Variants in NELL2 observed in about 807,000 individuals in gnomAD.
The protein encoded by NELL2 is neural EGFL like 2.
A neutral mutation model predicts 109.6 loss-of-function variants in NELL2; 41 were observed. The observed-to-expected ratio is 0.37, with a 90% CI of 0.29 to 0.49. NELL2 has a LOEUF of 0.49. Ranked by LOEUF, NELL2 falls within the 20% of genes least tolerant of loss-of-function variation. NELL2 has a pLI of 0.98. For synonymous variants in NELL2, 355 were observed against 344.7 expected (o/e 1.03, Z -0.33); for missense variants, 900 against 1,008.3 (o/e 0.89, Z 1.45).
chr12:44,545,662 C>G (rs1211014958), intron 15 of NELL2, among the ~76,000 whole-genome samples: 2 of 152,072 alleles, frequency 1.3e-5, no homozygotes, highest in Non-Finnish European at 2.9e-5. Flanking sequence ...AAACTTCCAG[C>G]TTTACTCCTA....
intron 12 of NELL2, among the ~76,000 whole-genome samples, chr12:44,702,161 A>G (rs1485965236): frequency 6.6e-6 from 1 of 152,026 alleles, no homozygotes; most frequent in African/African-American, 2.4e-5. Context: ...CTCTGAATAA[A>G]TCCCCAGCCA....
intron 3 of NELL2, among the ~76,000 whole-genome samples, chr12:44,781,453 G>A (rs558400629): frequency 6.6e-6 from 1 of 152,076 alleles, no homozygotes; most frequent in Non-Finnish European, 1.5e-5. Flanking sequence ...GAGGAGAAAG[G>A]AGGCGAGCTT....
chr12:44,713,245 CAGAG>C (rs1275685246), intron 10 of NELL2, among the ~76,000 whole-genome samples: 12 of 145,672 alleles, frequency 8.2e-5, no homozygotes, highest in East Asian at 2.0e-4. Flanking sequence ...GAGAGAGAGA[CAGAG>C]AGAGAGAGAA....
At chr12:44,791,212 A>ATATATATG (rs1346367935) in intron 3 of NELL2, among the ~76,000 whole-genome samples, 2 of 80,696 alleles carry the variant, frequency 2.5e-5, no homozygotes, top group African/African-American at 4.5e-5. Context: ...ATATATATAT[A>ATATATATG]TATATATATA....
chr12:44,796,475 T>A (rs1592552774), intron 3 of NELL2, among the ~76,000 whole-genome samples: 2 of 152,104 alleles, frequency 1.3e-5, no homozygotes, highest in Admixed American at 6.6e-5. Flanking sequence ...CATTAAGCCC[T>A]AAAGAAAAGA....
At chr12:44,895,011 C>G (rs1945577179) in intron 1 of NELL2, among the ~76,000 whole-genome samples, 1 of 152,140 alleles carries the variant, frequency 6.6e-6, no homozygotes. Context: ...TTGCTTGTGA[C>G]TAGCTTTTGT....
intron 2 of NELL2, among the ~76,000 whole-genome samples, chr12:44,866,361 T>A (rs1472198632): frequency 6.6e-6 from 1 of 151,864 alleles, no homozygotes; most frequent in Admixed American, 6.6e-5. Flanking sequence ...AACTAATTGG[T>A]CAAAAAAGAA....
chr12:44,859,925 A>G (rs547454748), intron 2 of NELL2, among the ~76,000 whole-genome samples: 12 of 152,284 alleles, frequency 7.9e-5, no homozygotes, highest in South Asian at 2.1e-4. Flanking sequence ...CCTGTCAATA[A>G]TTACAGCTAC....
chr12:44,599,109 G>A (rs965803505), intron 15 of NELL2, among the ~76,000 whole-genome samples: 6 of 152,046 alleles, frequency 3.9e-5, no homozygotes, highest in African/African-American at 1.4e-4. Context: ...TGCTACACCT[G>A]CGGAAACAAA....
chr12:44,670,754 C>G (rs185402486), intron 12 of NELL2, among the ~76,000 whole-genome samples: 1 of 151,758 alleles, frequency 6.6e-6, no homozygotes, highest in African/African-American at 2.4e-5. Context: ...GAAGATACAA[C>G]AATTGTAATT....
chr12:44,528,076 C>T (rs1405702863), intron 16 of NELL2, among the ~76,000 whole-genome samples: 4 of 105,546 alleles, frequency 3.8e-5, no homozygotes, highest in Admixed American at 1.5e-4. Flanking sequence ...CCAGCCTGGG[C>T]GACAGAGCGA....
At chr12:44,753,297 C>T (rs1467948277) in intron 9 of NELL2, among the ~76,000 whole-genome samples, 1 of 152,164 alleles carries the variant, frequency 6.6e-6, no homozygotes, top group African/African-American at 2.4e-5. Flanking sequence ...CTACGCAGGC[C>T]AGATATTTCT....
chr12:44,594,861 C>T (rs536157401), intron 15 of NELL2, among the ~76,000 whole-genome samples: 1 of 151,842 alleles, frequency 6.6e-6, no homozygotes, highest in Non-Finnish European at 1.5e-5. Flanking sequence ...TACAAAGTTA[C>T]CAGTGTAAAA....
At chr12:44,545,634 TA>T (rs1229245452) in intron 15 of NELL2, among the ~76,000 whole-genome samples, 2 of 152,072 alleles carry the variant, frequency 1.3e-5, no homozygotes, top group Admixed American at 6.6e-5. Context: ...TCCACTGTAG[TA>T]AAACATGGCT....
At position 44,535,925 on chromosome 12, in the gene NELL2, A is replaced by T. The variant is rs374927614; in HGVS notation, c.1664-3204T>A. ...ATTTATCTAAAATACGTCTGAATTTATAAAAGATACCTATGTCACAGATCA... is the reference window on the plus strand; with the variant it reads ...ATTTATCTAAAATACGTCTGAATTTTTAAAAGATACCTATGTCACAGATCA... On this transcript the variant is annotated intron_variant, in intron 15 of 19. Coordinates refer to ENST00000429094, the MANE Select transcript of NELL2 (RefSeq NM_001145108.2). Among the ~76,000 whole-genome samples, 92 of 152,124 alleles carry T rather than the reference A, an allele frequency of 6.0e-4. 3 individuals are homozygous for T. In the South Asian group the frequency reaches 0.019, roughly 31 times the overall value.
intron 12 of NELL2, among the ~76,000 whole-genome samples, chr12:44,671,291 C>G (rs1253560643): frequency 6.6e-6 from 1 of 152,072 alleles, no homozygotes; most frequent in Non-Finnish European, 1.5e-5. Flanking sequence ...ACTGTAAAAA[C>G]AGCGCTAAGA....
rs145079941 is a variant in NELL2 at position 44,741,574 on chromosome 12, C to T, written c.995-26833G>A. ...CCTAGTCAAAGAAAGGGGTGACAGA[C>T]GGCACCTGGAAAATTGGGTCACTCC... On this transcript the variant is annotated intron_variant, in intron 9 of 19. Coordinates refer to ENST00000429094, the MANE Select transcript of NELL2 (RefSeq NM_001145108.2). Among the ~76,000 whole-genome samples, 223 of 152,294 alleles carry T rather than the reference C, an allele frequency of 1.5e-3. 4 individuals carry two copies. In the East Asian group the frequency reaches 0.03, roughly 20 times the overall value.
intron 15 of NELL2, among the ~76,000 whole-genome samples, chr12:44,556,940 T>G (rs973835227): frequency 1.3e-5 from 2 of 152,148 alleles, no homozygotes. Flanking sequence ...AATATATAGG[T>G]TGGGGCCAGA....
intron 2 of NELL2, among the ~76,000 whole-genome samples, chr12:44,845,266 A>G (rs919820556): frequency 2.6e-5 from 4 of 152,224 alleles, no homozygotes; most frequent in African/African-American, 9.6e-5. Flanking sequence ...GATAGTGCCC[A>G]TTAACTGAGT....
Sources: gnomAD v4.1 joint callset for allele counts (sites outside exome capture counted in the v4.1 genomes callset) on GRCh38, gnomAD v4.1.1 for gene constraint, MANE v1.5 for transcripts, NCBI Gene and HGNC (gene_info 2026-07-23, HGNC 2026-07-21) for gene names.